Variants in HVCN1 observed in about 807,000 individuals in gnomAD.
HVCN1 encodes voltage-gated hydrogen channel 1.
HVCN1 carries 14 observed loss-of-function variants against 29.2 expected under a neutral mutation model. That is an observed-to-expected ratio of 0.48 (90% CI 0.32 to 0.75). The LOEUF is 0.75. Ranked by LOEUF, HVCN1 falls within the 30% of genes least tolerant of loss-of-function variation. The pLI is 0.04. For missense variants in HVCN1, 263 were observed against 341.8 expected, an observed-to-expected ratio of 0.77 and a Z score of 1.82; for synonymous variants, 131 against 133.2, an observed-to-expected ratio of 0.98 and a Z score of 0.11.
upstream of HVCN1, among the ~76,000 whole-genome samples, chr12:110,691,299 G>A (rs1484177532): frequency 3.9e-5 from 6 of 151,924 alleles, no homozygotes; most frequent in Non-Finnish European, 5.9e-5. Context: ...TCCTGACCTC[G>A]TGCTCCGTCC....
chr12:110,703,703 G>A (rs1466789796), intron 1 of HVCN1, among the ~76,000 whole-genome samples: 1 of 137,882 alleles, frequency 7.3e-6, no homozygotes, highest in Non-Finnish European at 1.6e-5. Flanking sequence ...TTTTTTTTTT[G>A]AGACAGAGTT....
Position 110,649,471 on chromosome 12 carries a change from T to C in HVCN1, c.761A>G (p.Gln254Arg), listed in dbSNP as rs1397669558. The C allele has an allele frequency of 1.2e-6, 2 of 1,601,286 alleles. No individual in the cohort carries two copies. The highest frequency in any genetic ancestry group is 1.3e-5 in the African/African-American group (1 of 74,872). The change falls in exon 8 of 8, where the codon CAA becomes CGA. Residue 254 changes from glutamine (Q) to arginine (R), a missense_variant. Transcript: ENST00000242607. ...TAGTTTGTTAAGTCTTTCAATTTCT[T>C]GTTCCTATTGCAAAAGCAGACAAAC... is the stretch of plus-strand genomic sequence containing the variant. The part of the protein sequence containing the change: ...HLEFSCSEKE[Q>R]EIERLNKLLR...
chr12:110,682,375 T>G (rs904781259), intron 3 of HVCN1, among the ~76,000 whole-genome samples: 1 of 152,192 alleles, frequency 6.6e-6, no homozygotes, highest in Non-Finnish European at 1.5e-5. Flanking sequence ...AATTTTTGTA[T>G]TTTTGTAGAG....
upstream of HVCN1, among the ~76,000 whole-genome samples, chr12:110,691,951 A>C (rs1307357513): frequency 4.6e-5 from 7 of 152,198 alleles, no homozygotes. Context: ...CCAAAGGAAC[A>C]CTTCAGCAAG....
intron 7 of HVCN1, 65 bp downstream of exon 7, chr12:110,650,103 C>T: frequency 8.8e-7 from 1 of 1,139,608 alleles, no homozygotes; most frequent in Non-Finnish European, 1.3e-6. Context: ...CCTTGGCCTC[C>T]CAAAGTGCTA....
At chr12:110,698,319 G>A (rs954878315) in intron 2 of HVCN1, among the ~76,000 whole-genome samples, 6 of 152,286 alleles carry the variant, frequency 3.9e-5, no homozygotes, top group East Asian at 1.9e-4. Context: ...TGTTGAAGTC[G>A]GTGAGACTTA....
chr12:110,682,160 G>A (rs2136434823), intron 3 of HVCN1, among the ~76,000 whole-genome samples: 2 of 152,198 alleles, frequency 1.3e-5, no homozygotes, highest in African/African-American at 2.4e-5. Flanking sequence ...GCTAATTTTT[G>A]TACTATTAGT....
rs1003613370 is a variant in HVCN1, at chr12:110,678,335, T to G, written c.21+4890A>C. On this transcript the variant is annotated intron_variant, in intron 3 of 7. Transcript: ENST00000242607. ...GGTGTTTCTCAATAAGAAATCACAT[T>G]TCATACCCTGCATCTCAGTACACAC... Among the ~76,000 whole-genome samples, 23 of 152,154 alleles carry G rather than the reference T, an allele frequency of 1.5e-4. 1 individual carries two copies. The highest frequency in any genetic ancestry group is 9.2e-4 in the Admixed American group (14 of 15,268).
At chr12:110,687,092 C>A (rs2069211779) in intron 2 of HVCN1, among the ~76,000 whole-genome samples, 1 of 152,114 alleles carries the variant, frequency 6.6e-6, no homozygotes, top group South Asian at 2.1e-4. Flanking sequence ...ACATTGCCTG[C>A]AACTGTACAA....
At chr12:110,677,321 C>G (rs534568922) in intron 3 of HVCN1, among the ~76,000 whole-genome samples, 1 of 152,320 alleles carries the variant, frequency 6.6e-6, no homozygotes, top group Admixed American at 6.5e-5. Context: ...CCCACTCTGG[C>G]CACATTGAGC....
At chr12:110,655,553 G>A (rs1194904121) in intron 4 of HVCN1, among the ~76,000 whole-genome samples, 2 of 152,144 alleles carry the variant, frequency 1.3e-5, no homozygotes, top group African/African-American at 4.8e-5. Flanking sequence ...CCTCCTTCCC[G>A]CCACCCTCCT....
exon 2 of HVCN1, chr12:110,702,364 C>T (rs1439891139): frequency 1.3e-5 from 2 of 152,152 alleles, no homozygotes; most frequent in African/African-American, 2.4e-5. Context: ...AAGTTAGATG[C>T]TTGCAAATAA....
intron 5 of HVCN1, among the ~76,000 whole-genome samples, chr12:110,651,943 G>C (rs907391257): frequency 6.6e-6 from 1 of 152,218 alleles, no homozygotes; most frequent in African/African-American, 2.4e-5. Flanking sequence ...GCTAGGTGGG[G>C]CCTCCTGCCA....
chr12:110,684,565 A>G (rs1801885465), intron 2 of HVCN1, among the ~76,000 whole-genome samples: 1 of 152,194 alleles, frequency 6.6e-6, no homozygotes, highest in South Asian at 2.1e-4. Context: ...AGTCTACAGG[A>G]TGACCCCATC....
chr12:110,651,116 C>G, intron 6 of HVCN1, 101 bp downstream of exon 6: 2 of 800,110 alleles, frequency 2.5e-6, no homozygotes, highest in Non-Finnish European at 4.2e-6. Context: ...TAACAGGAGC[C>G]ACTGTGAGCT....
chr12:110,653,523 C>T (rs2067883016), intron 5 of HVCN1, among the ~76,000 whole-genome samples: 1 of 151,542 alleles, frequency 6.6e-6, no homozygotes. Context: ...AATTCTCTAT[C>T]CTAGTTTGAA....
intron 5 of HVCN1, 32 bp downstream of exon 5, chr12:110,655,202 A>G: frequency 6.6e-7 from 1 of 1,526,038 alleles, no homozygotes; most frequent in Non-Finnish European, 9.1e-7. Context: ...AAAACATATC[A>G]GTAAGACCCC....
At chr12:110,669,500 A>G (rs1464145002) in intron 3 of HVCN1, among the ~76,000 whole-genome samples, 1 of 152,072 alleles carries the variant, frequency 6.6e-6, no homozygotes, top group Non-Finnish European at 1.5e-5. Context: ...GCCAGCCTCC[A>G]GCCACATGGA....
At chr12:110,699,615 C>A (rs74431433) in intron 2 of HVCN1, among the ~76,000 whole-genome samples, 4,669 of 152,108 alleles carry the variant, frequency 0.031, 244 homozygotes, top group African/African-American at 0.11. Flanking sequence ...GGAGGCAGAG[C>A]CGAGAACAGC....
Sources: gnomAD v4.1 joint callset for allele counts (sites outside exome capture counted in the v4.1 genomes callset) on GRCh38, gnomAD v4.1.1 for gene constraint, MANE v1.5 for transcripts, NCBI Gene and HGNC (gene_info 2026-07-23, HGNC 2026-07-21) for gene names.